The following PREX1 variants were observed in gnomAD, a reference collection of about 807,000 sequenced individuals.
The protein encoded by PREX1 is phosphatidylinositol-3,4,5-trisphosphate dependent Rac exchange factor 1.
PREX1 carries 41 observed loss-of-function variants against 198.3 expected under a neutral mutation model. The observed-to-expected ratio is 0.21, with a 90% confidence interval of 0.16 to 0.27. The LOEUF (loss-of-function observed/expected upper bound fraction) is 0.27. PREX1 is among the 10% of genes least tolerant of loss of function. The pLI is 1.00. For missense variants in PREX1, 1,620 were observed against 2,200.7 expected, an observed-to-expected ratio of 0.74 and a Z score of 5.28; for synonymous variants, 843 against 887.2, an observed-to-expected ratio of 0.95 and a Z score of 0.89.
chr20:48,817,249 C>T (rs532713260), intron 1 of PREX1, among the ~76,000 whole-genome samples: 1 of 152,286 alleles, frequency 6.6e-6, no homozygotes, highest in East Asian at 1.9e-4. Context: ...CAACTTACAG[C>T]CATCCCAGTT....
chr20:48,752,822 C>G (rs2090139961), intron 1 of PREX1, among the ~76,000 whole-genome samples: 1 of 152,300 alleles, frequency 6.6e-6, no homozygotes, highest in Non-Finnish European at 1.5e-5. Context: ...CACAATAAGA[C>G]AGACCTCAAG....
At chr20:48,850,905 C>G in the PREX1 span, among the ~76,000 whole-genome samples, 2 of 152,164 alleles carry the variant, frequency 1.3e-5, no homozygotes, top group Non-Finnish European at 2.9e-5. Flanking sequence ...TCCAGCCCCC[C>G]GCCCCCTGCC....
At chr20:48,696,146 C>T (rs2089844305) in intron 7 of PREX1, among the ~76,000 whole-genome samples, 1 of 152,200 alleles carries the variant, frequency 6.6e-6, no homozygotes, top group Admixed American at 6.5e-5. Context: ...TAACTATACT[C>T]TTTGTCCTGT....
In PREX1 at chr20:48,632,594, T is replaced by C; in HGVS notation, c.4313A>G (p.Lys1438Arg). 1 of 1,613,976 alleles carries C rather than the reference T, an allele frequency of 6.2e-7. No homozygotes were observed. The highest frequency in any genetic ancestry group is 8.5e-7 in the Non-Finnish European group (1 of 1,179,918). ...YHIEGSRQAL[K>R]VIFYLDSYHF... ...GTAGCTGTCGAGGTAGAAGATGACC[T>C]TCAGCGCCTGCCGGCTGCCCTCAAT... The change falls in exon 34 of 40, where the codon AAG becomes AGG. Residue 1438 changes from lysine (K) to arginine (R), a missense_variant. Lys to Arg is a conservative substitution (Grantham distance 26). Transcript: ENST00000371941.
At chr20:48,823,624 T>C (rs1297680161) in intron 1 of PREX1, among the ~76,000 whole-genome samples, 1 of 152,178 alleles carries the variant, frequency 6.6e-6, no homozygotes, top group Non-Finnish European at 1.5e-5. Context: ...CAGCCTGCCA[T>C]TTCTATCCGT....
At chr20:48,651,190 G>T in intron 22 of PREX1, 135 bp from the exon 23 acceptor site, 1 of 1,290,440 alleles carries the variant, frequency 7.7e-7, no homozygotes, top group Non-Finnish European at 1.1e-6. Flanking sequence ...TATTGCACGG[G>T]AGTAAACTGA....
chr20:48,744,599 C>T (rs115824253), intron 3 of PREX1, among the ~76,000 whole-genome samples: 439 of 152,342 alleles, frequency 2.9e-3, no homozygotes, highest in African/African-American at 9.9e-3. Flanking sequence ...AACAGCCCAA[C>T]GGGGCACCCC....
the PREX1 span, among the ~76,000 whole-genome samples, chr20:48,867,243 C>T: frequency 6.6e-6 from 1 of 152,310 alleles, no homozygotes; most frequent in Non-Finnish European, 1.5e-5. Flanking sequence ...CAAGCCAATC[C>T]ACTTCAAGTT....
At chr20:48,775,150 C>T (rs1407036454) in intron 1 of PREX1, among the ~76,000 whole-genome samples, 5 of 152,176 alleles carry the variant, frequency 3.3e-5, no homozygotes, top group East Asian at 1.9e-4. Context: ...GCATGTAGCA[C>T]GTCCAGAAGG....
At chr20:48,838,652 A>C in the PREX1 span, among the ~76,000 whole-genome samples, 8 of 152,338 alleles carry the variant, frequency 5.3e-5, no homozygotes, top group Admixed American at 3.9e-4. Context: ...TTATGTGATA[A>C]TTAAACATGT....
chr20:48,696,652 C>T (rs932819037), intron 7 of PREX1, among the ~76,000 whole-genome samples: 3 of 151,632 alleles, frequency 2.0e-5, no homozygotes, highest in Non-Finnish European at 4.4e-5. Flanking sequence ...CACATACACA[C>T]GTACACACGT....
chr20:48,690,591 A>C (rs933046471), intron 9 of PREX1, among the ~76,000 whole-genome samples: 2 of 151,956 alleles, frequency 1.3e-5, no homozygotes, highest in African/African-American at 4.8e-5. Flanking sequence ...GGGCAGCTCC[A>C]ATGGACCCTC....
chr20:48,682,125 G>C (rs1187426424), intron 10 of PREX1, among the ~76,000 whole-genome samples: 1 of 152,008 alleles, frequency 6.6e-6, no homozygotes, highest in Non-Finnish European at 1.5e-5. Flanking sequence ...CATTAGTTAT[G>C]CCTAAGCCAC....
the PREX1 span, among the ~76,000 whole-genome samples, chr20:48,878,663 C>A: frequency 2.4e-4 from 36 of 152,238 alleles, no homozygotes; most frequent in Non-Finnish European, 2.9e-4. Context: ...TGGCAACTCT[C>A]TGGCATCTGC....
intron 1 of PREX1, among the ~76,000 whole-genome samples, chr20:48,816,843 G>C (rs1184040940): frequency 1.3e-5 from 2 of 152,188 alleles, no homozygotes; most frequent in East Asian, 3.8e-4. Context: ...GAGACCTTCA[G>C]TAGAAAACCC....
chr20:48,877,030 G>A, the PREX1 span, among the ~76,000 whole-genome samples: 1 of 152,184 alleles, frequency 6.6e-6, no homozygotes, highest in Non-Finnish European at 1.5e-5. Flanking sequence ...AACACTTTGG[G>A]AGGCTGAGAC....
intron 1 of PREX1, among the ~76,000 whole-genome samples, chr20:48,760,189 T>C (rs1038352472): frequency 1.3e-5 from 2 of 151,948 alleles, no homozygotes; most frequent in African/African-American, 4.8e-5. Flanking sequence ...CAAGCCCTGG[T>C]GCAGGTAGAC....
chr20:48,721,846 C>T (rs558971177), intron 5 of PREX1, among the ~76,000 whole-genome samples: 7 of 152,010 alleles, frequency 4.6e-5, no homozygotes, highest in Non-Finnish European at 8.8e-5. Context: ...AGAGCAGAGC[C>T]GACAGGACCT....
At chr20:48,645,467 C>T (rs551389796) in intron 26 of PREX1, among the ~76,000 whole-genome samples, 2 of 152,330 alleles carry the variant, frequency 1.3e-5, no homozygotes, top group East Asian at 1.9e-4. Flanking sequence ...AAAAACTGCA[C>T]TCTTCCTCCT....
Sources: gnomAD v4.1 joint callset for allele counts (sites outside exome capture counted in the v4.1 genomes callset) on GRCh38, gnomAD v4.1.1 for gene constraint, MANE v1.5 for transcripts, NCBI Gene and HGNC (gene_info 2026-07-23, HGNC 2026-07-21) for gene names.